TEP1: variants seen among roughly 807,000 people sequenced by gnomAD.
TEP1 encodes telomerase associated protein 1, also known as telomerase protein component 1.
A neutral mutation model predicts 306.3 loss-of-function variants in TEP1; 241 were observed. The ratio of observed to expected loss-of-function variants is 0.79; its 90% CI spans 0.71 to 0.88. TEP1 has a LOEUF of 0.88. TEP1 is among the 40% of genes least tolerant of loss of function. TEP1 has a pLI of 0.00. For synonymous variants in TEP1, 1,289 were observed against 1,305.5 expected (o/e 0.99, Z 0.27); for missense variants, 3,051 against 3,276.1 (o/e 0.93, Z 1.68).
intron 1 of TEP1, among the ~76,000 whole-genome samples, chr14:20,412,261 G>C (rs906600196): frequency 2.6e-5 from 4 of 152,078 alleles, no homozygotes; most frequent in Admixed American, 1.3e-4. Flanking sequence ...ACTCAGAATT[G>C]ACTCAGATTT....
At position 20,391,566 on chromosome 14, in the gene TEP1, C is replaced by T. The variant is rs766245587; in HGVS notation, c.2097+33G>A. On this transcript the variant is annotated intron_variant, in intron 13 of 54. Coordinates refer to ENST00000262715, the MANE Select transcript of TEP1 (RefSeq NM_007110.5). ...CAGGATCCCCAGCATTCTACCAACC[C>T]AACCCCTTGGAGGATGCTTTTTGTT... The T allele has an allele frequency of 2.3e-5, 36 of 1,596,674 alleles. No individual in the cohort carries two copies. The South Asian group carries it at 3.8e-4, about 17-fold the overall frequency.
chr14:20,381,541 G>A lies in TEP1; in HGVS notation c.4558+12C>T. 6.2e-7 allele frequency: 1 copy of A among 1,613,438 alleles called. No homozygotes were observed. Among genetic ancestry groups the A allele is most frequent in the African/African-American group, 1.3e-5 (1 of 75,056 alleles). On this transcript the variant is annotated intron_variant, in intron 31 of 54. Coordinates refer to ENST00000262715, the MANE Select transcript of TEP1 (RefSeq NM_007110.5). This position sits in a 1 kb window ranked among gnomAD's most constrained non-coding sequence, Gnocchi z 4.0. ...CACACTCAGTGCCCAGGCTGACTTG[G>A]GCTGCAATCACCTGCAATGAGGATG...
In TEP1 at chr14:20,401,502, T is replaced by C. The variant is rs761061174; in HGVS notation, c.1346A>G (p.His449Arg). Residue 449 changes from histidine to arginine, a missense_variant, in exon 8 of 55, where the codon CAC becomes CGC. By Grantham distance (29) the His-to-Arg change is conservative. Around this residue, in one of 3 missense-constraint regions of TEP1, gnomAD observed 1,507 missense variants for 1,550.5 expected, o/e 0.97. Coordinates refer to ENST00000262715, the MANE Select transcript of TEP1 (RefSeq NM_007110.5). ...AACGTGCTGGGCAGGCTTGTGGATG[T>C]GCAGTCGCTGAACCAGCTTCTTCAG... ...FTLKKLVQRL[H>R]IHKPAQHVQA... The C allele has an allele frequency of 7.4e-6, 12 of 1,614,128 alleles. No individual in the cohort carries two copies. The East Asian group carries it at 2.7e-4, about 36-fold the overall frequency.
rs779496925 is a variant in TEP1 at position 20,369,796 on chromosome 14, A to G, written c.7318-17T>C. 11 of 1,605,212 alleles carry G rather than the reference A, an allele frequency of 6.9e-6. No homozygotes were observed. The highest frequency in any genetic ancestry group is 9.4e-6 in the Non-Finnish European group (11 of 1,172,844). Reference sequence around the variant, plus strand: ...CTTTTGCCTCTGTGAAAGAATAGGTAATTTTGTTTAGCCTACCCATATGAG... The same window carrying G: ...CTTTTGCCTCTGTGAAAGAATAGGTGATTTTGTTTAGCCTACCCATATGAG... On this transcript the variant is annotated splice_polypyrimidine_tract_variant and intron_variant, in intron 51 of 54. Transcript: ENST00000262715.
At chr14:20,376,078 C>A (rs750403125) in intron 42 of TEP1, 26 bp downstream of exon 42, 2 of 1,609,738 alleles carry the variant, frequency 1.2e-6, no homozygotes, top group South Asian at 2.2e-5. Context: ...TATGGGACCC[C>A]AGGGTTGCAT....
At position 20,369,576 on chromosome 14, in the gene TEP1, T is replaced by C; in HGVS notation, c.7424A>G (p.Glu2475Gly). ...AGAGCTGGCACACAAAAATGAGGAC[T>C]CTGCCATTTTAAGGACAGAATTAGA... ...ISITQAKPESESSFLCASSDG... is the reference protein window; with the variant it reads ...ISITQAKPESGSSFLCASSDG... The change falls in exon 53 of 55, where the codon GAG becomes GGG. Residue 2475 changes from glutamate to glycine, a missense_variant and splice_region_variant. Glu to Gly is a moderately conservative substitution (Grantham distance 98). Coordinates refer to ENST00000262715, the MANE Select transcript of TEP1 (RefSeq NM_007110.5). The C allele has an allele frequency of 6.2e-6, 10 of 1,614,146 alleles. No individual in the cohort carries two copies. Among genetic ancestry groups the C allele is most frequent in the Non-Finnish European group, 8.5e-6 (10 of 1,179,990 alleles).
intron 9 of TEP1, among the ~76,000 whole-genome samples, chr14:20,399,890 G>C: frequency 6.6e-6 from 1 of 151,768 alleles, no homozygotes; most frequent in East Asian, 1.9e-4. Context: ...GGCTGGGCGT[G>C]GTGGCTCACA....
chr14:20,404,867 C>T, intron 4 of TEP1, 95 bp from the exon 5 acceptor site: 1 of 1,419,968 alleles, frequency 7.0e-7, no homozygotes, highest in African/African-American at 1.4e-5. Context: ...CTGTATAAAA[C>T]CTTTCCTGAG....
intron 15 of TEP1, among the ~76,000 whole-genome samples, chr14:20,390,322 G>A (rs548814879): frequency 2.0e-4 from 30 of 152,246 alleles, no homozygotes; most frequent in African/African-American, 5.3e-4. Flanking sequence ...TTATCTACAC[G>A]TGCTTATTTA....
intron 51 of TEP1, 52 bp from the exon 52 acceptor site, chr14:20,369,831 A>G (rs769409744): frequency 7.0e-7 from 1 of 1,427,838 alleles, no homozygotes; most frequent in Non-Finnish European, 9.8e-7. Flanking sequence ...GTCAACTTGT[A>G]CCAGACAAAA....
chr14:20,377,427 T>C lies in TEP1; in HGVS notation c.5941A>G (p.Lys1981Glu). The C allele has an allele frequency of 6.2e-7, 1 of 1,614,052 alleles. No homozygotes were observed. Among genetic ancestry groups the C allele is most frequent in the Non-Finnish European group, 8.5e-7 (1 of 1,180,000 alleles). ...TCTTCTGCACCACTCACCAATACCT[T>C]GGGGCTTAGCCAGGCCAGGGCGGAC... ...AVSALAWLSP[K>E]VLVSGAEDGS... Residue 1981 changes from lysine to glutamate, a missense_variant, in exon 41 of 55, where the codon AAG (lysine) becomes GAG (glutamate). Around this residue, in one of 3 missense-constraint regions of TEP1, gnomAD observed 1,540 missense variants for 1,705.9 expected, o/e 0.90. Coordinates refer to ENST00000262715, the MANE Select transcript of TEP1 (RefSeq NM_007110.5).
chr14:20,369,364 T>C lies in TEP1; in HGVS notation c.7636A>G (p.Lys2546Glu), dbSNP rs756294877. The C allele has an allele frequency of 6.2e-7, 1 of 1,614,018 alleles. No individual in the cohort carries two copies. Among genetic ancestry groups the C allele is most frequent in the Non-Finnish European group, 8.5e-7 (1 of 1,179,964 alleles). ...SMDSEPTPHLKTRQRRKIHSG... is the reference protein window; with the variant it reads ...SMDSEPTPHLETRQRRKIHSG... ...CTCACCTTTCTACGCTGCCGTGTCT[T>C]TAGATGTGGTGTTGGCTCACTATCC... The change falls in exon 53 of 55, where the codon AAG (lysine) becomes GAG (glutamate). Residue 2546 changes from lysine to glutamate, a missense_variant. Lys to Glu is a moderately conservative substitution (Grantham distance 56). Transcript: ENST00000262715.
At position 20,379,031 on chromosome 14, in the gene TEP1, A is replaced by ACTT; in HGVS notation, c.5201_5202insAAG (p.Leu1734_Thr1735insSer). 6.2e-7 allele frequency: 1 copy of ACTT among 1,614,234 alleles called. No homozygotes were observed. Among genetic ancestry groups the ACTT allele is most frequent in the Non-Finnish European group, 8.5e-7 (1 of 1,180,026 alleles). ...GCTCCAGGAGCCCGTCGAAGGCAGT[A>ACTT]AGAAAGAGTGTATCATCGGAGAGGA... On this transcript the variant is annotated inframe_insertion, in exon 36 of 55. Coordinates refer to ENST00000262715, the MANE Select transcript of TEP1 (RefSeq NM_007110.5).
At chr14:20,378,653 T>C in intron 37 of TEP1, 101 bp downstream of exon 37, 1 of 1,578,850 alleles carries the variant, frequency 6.3e-7, no homozygotes, top group Non-Finnish European at 8.7e-7. Context: ...AGGCCTTCTC[T>C]GGCCAGGGAG....
chr14:20,392,746 C>T lies in TEP1; in HGVS notation c.1929-979G>A, dbSNP rs574615904. On this transcript the variant is annotated intron_variant, in intron 12 of 54. Coordinates refer to ENST00000262715, the MANE Select transcript of TEP1 (RefSeq NM_007110.5). ...ATATGGACTAAATAACAGATGATTTCACCGAGGAATTATTTTTAGTTTTGT... is the reference window on the plus strand; with the variant it reads ...ATATGGACTAAATAACAGATGATTTTACCGAGGAATTATTTTTAGTTTTGT... Among the ~76,000 whole-genome samples, 9 of 152,230 alleles carry T rather than the reference C, an allele frequency of 5.9e-5. No individual in the cohort carries two copies. The South Asian group carries it at 1.9e-3, about 32-fold the overall frequency.
rs1282304733 is a variant in TEP1 at position 20,367,267 on chromosome 14, G to T, written c.*1170C>A. On this transcript the variant is annotated 3_prime_UTR_variant, in exon 55 of 55. Transcript: ENST00000262715. ...AATCCCAGCTACTCGGGAGGCTAAG[G>T]CAGGAGAATCGCTTGAACCCAGGAA... 1 of 151,428 alleles carries T rather than the reference G, an allele frequency of 6.6e-6. No homozygotes were observed. Among genetic ancestry groups the T allele is most frequent in the Non-Finnish European group, 1.5e-5 (1 of 68,014 alleles). 9.4% of individuals were successfully genotyped at this position (151,428 alleles called of 1,614,324 possible).
At position 20,381,930 on chromosome 14, in the gene TEP1, G is replaced by A. The variant is rs750697781; in HGVS notation, c.4407C>T (p.Leu1469=). ...DPYPMGPFAC[L]VQSLRSLLGE... ...ACCTGTACCTGCGCAGACTCTGGACGAGGCAGGCAAACGGGCCCATGGGGT... is the reference window on the plus strand; with the variant it reads ...ACCTGTACCTGCGCAGACTCTGGACAAGGCAGGCAAACGGGCCCATGGGGT... The change falls in exon 30 of 55, where the codon CTC becomes CTT. Residue 1469 remains leucine, a synonymous_variant. Transcript: ENST00000262715. The surrounding 1 kb of genome is among the most constrained non-coding windows in gnomAD (Gnocchi z 4.0). 40 of 1,613,958 alleles carry A rather than the reference G, an allele frequency of 2.5e-5. No homozygotes were observed. The highest frequency in any genetic ancestry group is 8.9e-5 in the East Asian group (4 of 44,894).
At chr14:20,408,926 G>A (rs542690507) in intron 1 of TEP1, among the ~76,000 whole-genome samples, 68 of 152,018 alleles carry the variant, frequency 4.5e-4, no homozygotes, top group African/African-American at 1.5e-3. Context: ...GACCCCCGCT[G>A]CAGGACTATC....
At position 20,371,499 on chromosome 14, in the gene TEP1, A is replaced by T. The variant is rs554029900; in HGVS notation, c.7210T>A (p.Ser2404Thr). 1.9e-6 allele frequency: 3 copies of T among 1,609,354 alleles called. No homozygotes were observed. Among genetic ancestry groups the T allele is most frequent in the Non-Finnish European group, 1.7e-6 (2 of 1,179,104 alleles). The change falls in exon 50 of 55, where the codon TCT (serine) becomes ACT (threonine). Residue 2404 changes from serine (S) to threonine (T), a missense_variant. Transcript: ENST00000262715. ...LLCMKPGDAP[S>T]EIWSSYTENP... ...CATTTTGGATCTTACCAGATTTCAG[A>T]TGGAGCATCCCCTGGCTTCATGCAA...
Sources: allele counts gnomAD v4.1 joint callset (sites outside exome capture counted in the v4.1 genomes callset), GRCh38; gene constraint gnomAD v4.1.1; regional missense constraint gnomAD v4.1.1; non-coding constraint Gnocchi (gnomAD v3.1); transcripts MANE v1.5; gene names NCBI Gene and HGNC (gene_info 2026-07-23, HGNC 2026-07-21).